The following TACC3 variants were observed in gnomAD, a reference collection of about 807,000 sequenced individuals.
TACC3 encodes the protein transforming acidic coiled-coil-containing protein 3.
A neutral mutation model predicts 86.0 loss-of-function variants in TACC3; 52 were observed. That is an observed-to-expected ratio of 0.60 (90% CI 0.48 to 0.76). The LOEUF is 0.76. Ranked by LOEUF, TACC3 falls within the 30% of genes least tolerant of loss-of-function variation. The pLI is 0.00. For missense variants in TACC3, 1,120 were observed against 1,070.4 expected, an observed-to-expected ratio of 1.05 and a Z score of -0.65; for synonymous variants, 512 against 430.0, an observed-to-expected ratio of 1.19 and a Z score of -2.36.
In TACC3 at chr4:1,739,852, C is replaced by T; in HGVS notation, c.2018+74C>T. 2.0e-6 allele frequency: 3 copies of T among 1,524,320 alleles called. 1 individual carries two copies. The South Asian group carries it at 3.4e-5, about 17-fold the overall frequency. 94.4% of individuals were successfully genotyped at this position (1,524,320 alleles called of 1,614,324 possible). A position where few individuals can be genotyped will look rare whatever the true frequency, so the allele number is the denominator to read the frequency against. ...TCCTTGTCCCCATCCCCCTCGCCAT[C>T]CTTGTCCCCATCCCCCTCGCCATCC... On this transcript the variant is annotated intron_variant, in intron 11 of 15. Coordinates refer to ENST00000313288, the MANE Select transcript of TACC3 (RefSeq NM_006342.3).
chr4:1,725,737 C>T (rs2108684515), intron 3 of TACC3, among the ~76,000 whole-genome samples: 1 of 152,350 alleles, frequency 6.6e-6, no homozygotes, highest in East Asian at 1.9e-4. Context: ...TCGTGGCTGT[C>T]ATCTCCTTTC....
In TACC3 at chr4:1,723,475, A is replaced by G. The variant is rs750852524; in HGVS notation, c.54A>G (p.Glu18=). ...ATGTCAGCAATGAAAAAAATACAGA[A>G]AATTGCGACTTCCTGTTTTCGCCAC... ...DKNVSNEKNT[E]NCDFLFSPPE... is the part of the protein sequence containing the mutation. The change falls in exon 2 of 16, where the codon GAA becomes GAG. Residue 18 remains glutamate, a synonymous_variant. Transcript: ENST00000313288. 1 of 1,613,704 alleles carries G rather than the reference A, an allele frequency of 6.2e-7. No homozygotes were observed. The highest frequency in any genetic ancestry group is 8.5e-7 in the Non-Finnish European group (1 of 1,179,994).
intron 13 of TACC3, 40 bp from the exon 14 acceptor site, chr4:1,744,478 G>A: frequency 6.3e-7 from 1 of 1,584,914 alleles, no homozygotes; most frequent in Non-Finnish European, 8.6e-7. Context: ...CTCTCCAGCA[G>A]ACGGCGTGGT....
chr4:1,723,584 G>A lies in TACC3; in HGVS notation c.162+1G>A. 6.2e-7 allele frequency: 1 copy of A among 1,612,616 alleles called. No individual in the cohort carries two copies. Among genetic ancestry groups the A allele is most frequent in the Non-Finnish European group, 8.5e-7 (1 of 1,179,306 alleles). ...CAAGAACCTGGCCAAAGCTATGAAG[G>A]TAAGTGTGACCTGTACAGTGTGTGG... On this transcript the variant is annotated splice_donor_variant, in intron 2 of 15. Transcript: ENST00000313288. LOFTEE classifies it high-confidence loss of function.
Position 1,731,318 on chromosome 4 carries a change from A to C in TACC3, c.1591+17A>C. The C allele has an allele frequency of 6.2e-7, 1 of 1,612,508 alleles. No homozygotes were observed. Among genetic ancestry groups the C allele is most frequent in the Non-Finnish European group, 8.5e-7 (1 of 1,179,754 alleles). ...CCGCTGAGGGTACGTTGCCTGGCAC[A>C]GACGTCACACACAGTCTGCCCGGAG... On this transcript the variant is annotated intron_variant, in intron 6 of 15. Transcript: ENST00000313288.
chr4:1,728,602 G>A lies in TACC3; in HGVS notation c.1200G>A (p.Arg400=), dbSNP rs75985719. 1 of 1,613,962 alleles carries A rather than the reference G, an allele frequency of 6.2e-7. No homozygotes were observed. The highest frequency in any genetic ancestry group is 8.5e-7 in the Non-Finnish European group (1 of 1,179,996). The change falls in exon 4 of 16, where the codon CGG becomes CGA. Residue 400 remains arginine, a synonymous_variant. Coordinates refer to ENST00000313288, the MANE Select transcript of TACC3 (RefSeq NM_006342.3). ...AGEDPPMPAS[R]GSYHLDWDKM... is the part of the protein sequence containing the mutation. ...AGGACCCCCCCATGCCAGCTTCTCGGGGCTCTTACCACCTCGACTGGGACA... is the reference window on the plus strand; with the variant it reads ...AGGACCCCCCCATGCCAGCTTCTCGAGGCTCTTACCACCTCGACTGGGACA...
intron 8 of TACC3, among the ~76,000 whole-genome samples, chr4:1,736,967 T>C (rs1273069859): frequency 6.6e-6 from 1 of 151,284 alleles, no homozygotes; most frequent in African/African-American, 2.4e-5. Flanking sequence ...GAGGCAGCAC[T>C]GGCTCCGCTC....
intron 1 of TACC3, 116 bp from the exon 2 acceptor site, chr4:1,723,305 A>T: frequency 4.8e-6 from 5 of 1,044,322 alleles, no homozygotes; most frequent in Non-Finnish European, 7.1e-6. Context: ...GTTCCAGAGC[A>T]ATGAGCACAC....
chr4:1,734,195 G>GT (rs1380912364), intron 6 of TACC3, among the ~76,000 whole-genome samples: 3 of 151,974 alleles, frequency 2.0e-5, no homozygotes, highest in African/African-American at 4.8e-5. Context: ...AGTTTGGTTT[G>GT]TTTTTTTCCC....
intron 8 of TACC3, among the ~76,000 whole-genome samples, chr4:1,736,323 C>T (rs7662657): frequency 0.72 from 107,828 of 150,206 alleles, 39,660 homozygotes; most frequent in East Asian, 0.86. Flanking sequence ...CTTGGGAAGC[C>T]GAGGCAGGAG....
chr4:1,722,296 T>A (rs1178273279), intron 1 of TACC3, among the ~76,000 whole-genome samples: 1 of 152,182 alleles, frequency 6.6e-6, no homozygotes, highest in African/African-American at 2.4e-5. Context: ...CCGAGTCACT[T>A]TCTCCCTGAG....
At chr4:1,738,688 TTC>T (rs1238916075) in intron 10 of TACC3, among the ~76,000 whole-genome samples, 1 of 152,070 alleles carries the variant, frequency 6.6e-6, no homozygotes, top group African/African-American at 2.4e-5. Context: ...GGGGAAGGGG[TTC>T]TTATTCCTGA....
rs1718576732 is a variant in TACC3 at position 1,741,075 on chromosome 4, C to T, written c.2223+89C>T. The stretch of plus-strand genomic sequence containing the variant: ...GGGGCTACAAGCTGCTGTCTTTGCA[C>T]CTTGGTCCTTGGCCAAGCCTCCCCT... On this transcript the variant is annotated intron_variant, in intron 13 of 15. Coordinates refer to ENST00000313288, the MANE Select transcript of TACC3 (RefSeq NM_006342.3). 3.7e-6 allele frequency: 5 copies of T among 1,354,504 alleles called. No homozygotes were observed. In the African/African-American group the frequency reaches 5.9e-5, roughly 16 times the overall value. The allele number at this position is 1,354,504 out of a possible 1,614,324, so 83.9% of individuals were successfully genotyped here. A position where few individuals can be genotyped will look rare whatever the true frequency, so the allele number is the denominator to read the frequency against.
intron 6 of TACC3, among the ~76,000 whole-genome samples, chr4:1,734,922 A>G (rs1021428974): frequency 6.6e-6 from 1 of 152,216 alleles, no homozygotes; most frequent in African/African-American, 2.4e-5. Context: ...GTTTTAATCA[A>G]AAGTTATATT....
Position 1,731,126 on chromosome 4 carries a change from A to T in TACC3, c.1462-46A>T, listed in dbSNP as rs1355093719. On this transcript the variant is annotated intron_variant, in intron 5 of 15. Coordinates refer to ENST00000313288, the MANE Select transcript of TACC3 (RefSeq NM_006342.3). ...TGTGGGGAGGCAAAGCCACACCCCA[A>T]GTACCTTGACTGCACTGCACAGGGT... 8 of 1,607,686 alleles carry T rather than the reference A, an allele frequency of 5.0e-6. No individual in the cohort carries two copies. The East Asian group carries it at 1.8e-4, about 36-fold the overall frequency.
At chr4:1,720,910 C>T (rs537171723), upstream of TACC3, 4 of 1,288,200 alleles carry the variant, frequency 3.1e-6, no homozygotes, top group South Asian at 7.0e-5. This position sits in a 1 kb window ranked among gnomAD's most constrained non-coding sequence, Gnocchi z 4.4. Flanking sequence ...CGCCCAGTCC[C>T]GGACCTGTCG....
intron 15 of TACC3, 35 bp from the exon 16 acceptor site, chr4:1,744,913 A>G: frequency 1.2e-6 from 2 of 1,611,556 alleles, no homozygotes; most frequent in Middle Eastern, 3.3e-4. Context: ...CCCTCCAAGC[A>G]GGGAGAAGCC....
In TACC3 at chr4:1,730,099, C is replaced by T. The variant is rs140521851; in HGVS notation, c.1386-788C>T. Among the ~76,000 whole-genome samples, 1,207 of 152,334 alleles carry T rather than the reference C, an allele frequency of 7.9e-3. 12 individuals carry two copies. The highest frequency in any genetic ancestry group is 0.026 in the African/African-American group (1,061 of 41,564). On this transcript the variant is annotated intron_variant, in intron 4 of 15. Coordinates refer to ENST00000313288, the MANE Select transcript of TACC3 (RefSeq NM_006342.3). The stretch of plus-strand genomic sequence containing the variant: ...TGTCACCCAGGCTGGAGCGCAGTGG[C>T]GTGATCTCGCCTCACTGCGAGTTCT...
intron 13 of TACC3, among the ~76,000 whole-genome samples, chr4:1,743,685 C>T (rs1046357805): frequency 1.7e-4 from 26 of 152,322 alleles, no homozygotes; most frequent in East Asian, 3.9e-4. Context: ...AGTGTGTGGA[C>T]GGCAGCCCCC....
Sources: gnomAD v4.1 joint callset for allele counts (sites outside exome capture counted in the v4.1 genomes callset) on GRCh38, gnomAD v4.1.1 for gene constraint, Gnocchi (gnomAD v3.1) non-coding constraint, MANE v1.5 for transcripts, NCBI Gene and HGNC (gene_info 2026-07-23, HGNC 2026-07-21) for gene names.